SLC26A4: variants seen among roughly 807,000 people sequenced by gnomAD.
SLC26A4 encodes solute carrier family 26 member 4.
A neutral mutation model predicts 90.4 loss-of-function variants in SLC26A4; 93 were observed. The observed-to-expected ratio is 1.03, with a 90% CI of 0.87 to 1.22. The LOEUF (loss-of-function observed/expected upper bound fraction) is 1.22. SLC26A4 is among the 50% of genes most tolerant of loss of function. The probability of loss-of-function intolerance (pLI) is 0.00; values close to 1 mark genes in which losing one functional copy is unlikely to be tolerated. For missense variants in SLC26A4, 1,127 were observed against 946.2 expected (o/e 1.19, Z -2.51); for synonymous variants, 393 against 354.6 (o/e 1.11, Z -1.22).
intron 14 of SLC26A4, 48 bp downstream of exon 14, chr7:107,698,159 A>G (rs1791792429): frequency 8.4e-7 from 1 of 1,184,310 alleles, no homozygotes; most frequent in African/African-American, 1.5e-5. Context: ...TACTAGCCTG[A>G]AGTTTCAGCA....
chr7:107,665,916 T>G (rs554840804), intron 3 of SLC26A4, among the ~76,000 whole-genome samples: 4 of 152,366 alleles, frequency 2.6e-5, no homozygotes, highest in Admixed American at 6.5e-5. Context: ...AAACATTATC[T>G]CTATAAAGTT....
At chr7:107,690,073 T>A in intron 9 of SLC26A4, 51 bp from the exon 10 acceptor site, 1 of 1,030,002 alleles carries the variant, frequency 9.7e-7, no homozygotes, top group Middle Eastern at 2.0e-4. Flanking sequence ...TCAGCGAAGG[T>A]CTTGCAAAGA....
intron 10 of SLC26A4, chr7:107,693,754 C>A (rs1044534565): frequency 1.1e-5 from 11 of 986,614 alleles, no homozygotes; most frequent in Non-Finnish European, 1.3e-5. Context: ...TCCATAGTCA[C>A]TGTTTCAGGC....
chr7:107,693,672 T>G lies in SLC26A4; in HGVS notation c.1264-731T>G, dbSNP rs908781209. 8.1e-6 allele frequency: 8 copies of G among 991,860 alleles called. No homozygotes were observed. The South Asian group carries it at 3.6e-4, about 45-fold the overall frequency. The allele number at this position is 991,860 out of a possible 1,614,324, so 61.4% of individuals were successfully genotyped here. On this transcript the variant is annotated intron_variant, in intron 10 of 20. Transcript: ENST00000644269. ...CCTCTCTCCTAACTAGTATGGATCTTAGGAGAGCTATTTTTGCCAGCGAAG... is the reference window on the plus strand; with the variant it reads ...CCTCTCTCCTAACTAGTATGGATCTGAGGAGAGCTATTTTTGCCAGCGAAG...
At chr7:107,715,383 T>C (rs1382603602) in intron 20 of SLC26A4, 40 bp from the exon 21 acceptor site, 2 of 1,559,756 alleles carry the variant, frequency 1.3e-6, no homozygotes. Flanking sequence ...TAAGGAGAAT[T>C]CAGTTGTATC....
chr7:107,689,207 G>T lies in SLC26A4; in HGVS notation c.1149+7G>T. Reference sequence around the variant, plus strand: ...CACCATCGATGGGAACCAGGTATGGGTGCCCTTTTGCTGAACTGGTTTTAT... The same window carrying T: ...CACCATCGATGGGAACCAGGTATGGTTGCCCTTTTGCTGAACTGGTTTTAT... On this transcript the variant is annotated splice_region_variant and intron_variant, in intron 9 of 20. Coordinates refer to ENST00000644269, the MANE Select transcript of SLC26A4 (RefSeq NM_000441.2). The T allele has an allele frequency of 6.2e-7, 1 of 1,613,430 alleles. No homozygotes were observed.
rs1252418602 is a variant in SLC26A4 at position 107,661,916 on chromosome 7, G to A, written c.164+111G>A. ...GTGGGGTGCGGGCGGCGGAGCCCCT[G>A]GGCGCCAGCTGCTTCTCCCAGAGGC... On this transcript the variant is annotated intron_variant, in intron 2 of 20. Coordinates refer to ENST00000644269, the MANE Select transcript of SLC26A4 (RefSeq NM_000441.2). The surrounding 1 kb of genome is among the most constrained non-coding windows in gnomAD (Gnocchi z 5.1). The A allele has an allele frequency of 8.1e-7, 1 of 1,236,516 alleles. No homozygotes were observed. Among genetic ancestry groups the A allele is most frequent in the African/African-American group, 1.5e-5 (1 of 65,860 alleles). The allele number at this position is 1,236,516 out of a possible 1,614,324, so 76.6% of individuals were successfully genotyped here. A position where few individuals can be genotyped will look rare whatever the true frequency, so the allele number is the denominator to read the frequency against.
intron 14 of SLC26A4, among the ~76,000 whole-genome samples, chr7:107,698,536 C>G (rs1242081399): frequency 6.6e-6 from 1 of 152,078 alleles, no homozygotes; most frequent in Non-Finnish European, 1.5e-5. Flanking sequence ...AGGCTGGTCT[C>G]AAACTCCTGA....
intron 12 of SLC26A4, 78 bp downstream of exon 12, chr7:107,694,794 C>A: frequency 1.0e-6 from 1 of 962,250 alleles, no homozygotes; most frequent in South Asian, 1.3e-5. Flanking sequence ...CTATATTCCC[C>A]CCATCCCCTA....
intron 19 of SLC26A4, among the ~76,000 whole-genome samples, chr7:107,711,118 A>G (rs1007266978): frequency 5.9e-5 from 9 of 151,904 alleles, no homozygotes; most frequent in Admixed American, 2.6e-4. Context: ...TACTAGTCCT[A>G]ACTACCAAGC....
intron 13 of SLC26A4, 145 bp from the exon 14 acceptor site, chr7:107,697,897 G>T: frequency 1.5e-6 from 1 of 680,982 alleles, no homozygotes; most frequent in South Asian, 1.6e-5. Context: ...TCATTTCAGA[G>T]TTAGCTACAG....
Position 107,717,021 on chromosome 7 carries a change from C to T in SLC26A4, c.*1575C>T, listed in dbSNP as rs1222063354. The T allele has an allele frequency of 6.6e-6, 1 of 152,140 alleles. No individual in the cohort carries two copies. The highest frequency in any genetic ancestry group is 2.4e-5 in the African/African-American group (1 of 41,438). 9.4% of individuals were successfully genotyped at this position (152,140 alleles called of 1,614,324 possible). Reference sequence around the variant, plus strand: ...TAGGATTATAATGCTGCCTCATTTTCACAGCACTACTTGCTTATATTGACA... The same window carrying T: ...TAGGATTATAATGCTGCCTCATTTTTACAGCACTACTTGCTTATATTGACA... On this transcript the variant is annotated 3_prime_UTR_variant, in exon 21 of 21. Transcript: ENST00000644269.
At chr7:107,680,419 ATAT>A (rs948746206) in intron 6 of SLC26A4, among the ~76,000 whole-genome samples, 4 of 144,562 alleles carry the variant, frequency 2.8e-5, no homozygotes, top group African/African-American at 7.5e-5. Flanking sequence ...ATATAATCTT[ATAT>A]TATTATATAA....
intron 20 of SLC26A4, among the ~76,000 whole-genome samples, chr7:107,714,795 C>A (rs993066648): frequency 2.0e-5 from 3 of 152,064 alleles, no homozygotes; most frequent in Non-Finnish European, 2.9e-5. Flanking sequence ...ATATTAGTAT[C>A]TTCATGTAAA....
chr7:107,689,318 T>G, intron 9 of SLC26A4, 118 bp downstream of exon 9: 1 of 1,053,418 alleles, frequency 9.5e-7, no homozygotes, highest in South Asian at 1.3e-5. Context: ...CAGACCTTAT[T>G]GGGTTGGTTT....
chr7:107,710,921 C>T (rs918154093), intron 19 of SLC26A4, among the ~76,000 whole-genome samples: 2 of 152,174 alleles, frequency 1.3e-5, no homozygotes, highest in Non-Finnish European at 2.9e-5. Flanking sequence ...GATATAATAA[C>T]AGTAATGATT....
At chr7:107,670,228 C>G (rs1047013940) in intron 3 of SLC26A4, among the ~76,000 whole-genome samples, 14 of 151,742 alleles carry the variant, frequency 9.2e-5, no homozygotes, top group African/African-American at 3.4e-4. Flanking sequence ...TCTGCCTCAG[C>G]CTCCTGAGTA....
intron 6 of SLC26A4, among the ~76,000 whole-genome samples, chr7:107,680,916 C>A (rs879701261): frequency 1.3e-5 from 2 of 152,068 alleles, no homozygotes; most frequent in Non-Finnish European, 2.9e-5. Flanking sequence ...AAATGTTATA[C>A]CTAGCTCCTG....
In SLC26A4 at chr7:107,702,075, T is replaced by C; in HGVS notation, c.2034+18T>C. The C allele has an allele frequency of 6.6e-7, 1 of 1,510,914 alleles. No homozygotes were observed. Among genetic ancestry groups the C allele is most frequent in the East Asian group, 2.3e-5 (1 of 44,400 alleles). The allele number at this position is 1,510,914 out of a possible 1,614,324, so 93.6% of individuals were successfully genotyped here. A position where few individuals can be genotyped will look rare whatever the true frequency, so the allele number is the denominator to read the frequency against. Reference sequence around the variant, plus strand: ...TGCGGGTGGTAAGGTTCTGGTTTTCTGAATTATACATTTGGAGCTTTGGCA... The same window carrying C: ...TGCGGGTGGTAAGGTTCTGGTTTTCCGAATTATACATTTGGAGCTTTGGCA... On this transcript the variant is annotated intron_variant, in intron 17 of 20. Coordinates refer to ENST00000644269, the MANE Select transcript of SLC26A4 (RefSeq NM_000441.2).
Sources: allele counts gnomAD v4.1 joint callset (sites outside exome capture counted in the v4.1 genomes callset), GRCh38; gene constraint gnomAD v4.1.1; non-coding constraint Gnocchi (gnomAD v3.1); transcripts MANE v1.5; gene names NCBI Gene and HGNC (gene_info 2026-07-23, HGNC 2026-07-21).